Variants in ANK3 observed in about 807,000 individuals in gnomAD.
ANK3 encodes ankyrin-3.
Under a neutral mutation model 370.9 loss-of-function variants are expected in ANK3, and 57 were observed. That is an observed-to-expected ratio of 0.15 (90% CI 0.12 to 0.19). The LOEUF (loss-of-function observed/expected upper bound fraction) is 0.19. ANK3 is among the 10% of genes least tolerant of loss of function. The pLI is 1.00. For synonymous variants in ANK3, 1,929 were observed against 1,946.3 expected, an observed-to-expected ratio of 0.99 and a Z score of 0.23; for missense variants, 4,439 against 5,302.1, an observed-to-expected ratio of 0.84 and a Z score of 5.06.
chr10:60,650,673 A>G (rs954924535), intron 1 of ANK3, among the ~76,000 whole-genome samples: 4 of 152,214 alleles, frequency 2.6e-5, no homozygotes, highest in Non-Finnish European at 5.9e-5. Flanking sequence ...TAGACCAGAC[A>G]CTAATCTAAT....
intron 25 of ANK3, among the ~76,000 whole-genome samples, chr10:60,123,988 A>G (rs1226927177): frequency 1.3e-5 from 2 of 152,176 alleles, no homozygotes; most frequent in Non-Finnish European, 2.9e-5. Flanking sequence ...TGGCAAGTCA[A>G]AAAACTCACT....
intron 1 of ANK3, among the ~76,000 whole-genome samples, chr10:60,362,231 G>C (rs1039583482): frequency 6.6e-6 from 1 of 151,618 alleles, no homozygotes; most frequent in Non-Finnish European, 1.5e-5. Flanking sequence ...AACACTGCTA[G>C]AAAAAAACAA....
At chr10:60,469,255 G>GTATA (rs1161051075) in intron 2 of ANK3, among the ~76,000 whole-genome samples, 3 of 640 alleles carry the variant, frequency 4.7e-3, no homozygotes, top group African/African-American at 8.6e-3. Flanking sequence ...TTTAGTGTGT[G>GTATA]TATATATATA....
At position 60,127,101 on chromosome 10, in the gene ANK3, G is replaced by A. The variant is rs376493527; in HGVS notation, c.2841+7170C>T. 1.3e-4 allele frequency among the ~76,000 whole-genome samples: 20 copies of A among 152,322 alleles called. No homozygotes were observed. In the East Asian group the frequency reaches 2.1e-3, roughly 16 times the overall value. ...TGGTCTTCACATTCTACTCCCAGCAGCTTTGGACGTATGTCATCTTTATAG... is the reference window on the plus strand; with the variant it reads ...TGGTCTTCACATTCTACTCCCAGCAACTTTGGACGTATGTCATCTTTATAG... On this transcript the variant is annotated intron_variant, in intron 25 of 43. Coordinates refer to ENST00000280772, the MANE Select transcript of ANK3 (RefSeq NM_020987.5).
chr10:60,284,208 G>T (rs776798818), intron 1 of ANK3, among the ~76,000 whole-genome samples: 2 of 152,114 alleles, frequency 1.3e-5, no homozygotes, highest in Admixed American at 6.6e-5. Context: ...ACCAGAAGTG[G>T]GAAGAGGCAA....
chr10:60,628,044 G>A lies in ANK3; in HGVS notation c.58-12820C>T, dbSNP rs535088355. Among the ~76,000 whole-genome samples the A allele has an allele frequency of 3.9e-4, 59 of 152,210 alleles. No individual in the cohort carries two copies. The South Asian group carries it at 0.011, about 28-fold the overall frequency. ...AAAGATATCCTGTGACAGAGAAAACGAACGCACACAATAATATTTGTAATG... is the reference window on the plus strand; with the variant it reads ...AAAGATATCCTGTGACAGAGAAAACAAACGCACACAATAATATTTGTAATG... On this transcript the variant is annotated intron_variant, in intron 1 of 43. Coordinates refer to the ANK3 transcript ENST00000373827.
chr10:60,194,199 T>C (rs2096545589), intron 16 of ANK3, among the ~76,000 whole-genome samples: 1 of 152,204 alleles, frequency 6.6e-6, no homozygotes, highest in Non-Finnish European at 1.5e-5. Context: ...AAATAAAATG[T>C]ACAACCATTA....
chr10:60,713,269 C>T (rs1304058406), intron 1 of ANK3, among the ~76,000 whole-genome samples: 1 of 151,910 alleles, frequency 6.6e-6, no homozygotes, highest in Non-Finnish European at 1.5e-5. Flanking sequence ...TCTCACACCA[C>T]AATGAAATTA....
chr10:60,054,398 C>T (rs1722747634), intron 42 of ANK3, among the ~76,000 whole-genome samples: 1 of 152,042 alleles, frequency 6.6e-6, no homozygotes, highest in Non-Finnish European at 1.5e-5. Context: ...AAAACTAAAA[C>T]AAAACCATTA....
intron 2 of ANK3, among the ~76,000 whole-genome samples, chr10:60,583,556 A>C (rs2077788053): frequency 2.2e-5 from 3 of 134,134 alleles, no homozygotes; most frequent in Non-Finnish European, 4.6e-5. Flanking sequence ...TCGTTCTGTC[A>C]CCCAGGCTGG....
At chr10:60,387,070 G>A (rs1268429237) in intron 1 of ANK3, among the ~76,000 whole-genome samples, 4 of 152,058 alleles carry the variant, frequency 2.6e-5, no homozygotes, top group South Asian at 2.1e-4. Context: ...TGAGGCAGGA[G>A]AATCATTTGA....
At chr10:60,535,907 A>C (rs1244252494) in intron 2 of ANK3, among the ~76,000 whole-genome samples, 7 of 149,496 alleles carry the variant, frequency 4.7e-5, no homozygotes, top group Non-Finnish European at 1.0e-4. Flanking sequence ...ATATCGGCAA[A>C]GCAACTGTTT....
chr10:60,157,123 C>T lies in ANK3; in HGVS notation c.2614+9468G>A, dbSNP rs1173893947. Among the ~76,000 whole-genome samples the T allele has an allele frequency of 4.0e-5, 6 of 150,614 alleles. No homozygotes were observed. In the East Asian group the frequency reaches 5.9e-4, roughly 15 times the overall value. ...CATGATCTCGGCTCACTGCAACCTC[C>T]GCCTCCCAGGTTCAAGCCATTCTCC... is the stretch of plus-strand genomic sequence containing the variant. On this transcript the variant is annotated intron_variant, in intron 23 of 43. Coordinates refer to ENST00000280772, the MANE Select transcript of ANK3 (RefSeq NM_020987.5).
chr10:60,687,533 A>ACAC lies in ANK3; in HGVS notation c.57+45729_57+45730insGTG, dbSNP rs375712984. On this transcript the variant is annotated intron_variant, in intron 1 of 43. Transcript: ENST00000373827. ...CACATGCATTAGGCTGGTATAAAAA[A>ACAC]AAACACACACACACACACACATGCA... 1.8e-3 allele frequency among the ~76,000 whole-genome samples: 123 copies of ACAC among 68,594 alleles called. No homozygotes were observed. In the Middle Eastern group the frequency reaches 0.045, roughly 25 times the overall value. 45.0% of individuals were successfully genotyped at this position (68,594 alleles called of 152,430 possible). A position where few individuals can be genotyped will look rare whatever the true frequency, so the allele number is the denominator to read the frequency against.
intron 23 of ANK3, among the ~76,000 whole-genome samples, chr10:60,145,542 G>C (rs1049120003): frequency 7.2e-5 from 11 of 152,212 alleles, no homozygotes; most frequent in Middle Eastern, 3.4e-3. Flanking sequence ...TATGTTTTAG[G>C]CACTGTGTTT....
intron 2 of ANK3, among the ~76,000 whole-genome samples, chr10:60,479,035 T>G (rs781746214): frequency 1.4e-4 from 22 of 152,144 alleles, no homozygotes; most frequent in Non-Finnish European, 3.1e-4. Flanking sequence ...TAGCCAAATT[T>G]TCTAAATACA....
chr10:60,289,906 G>C (rs1328672019), intron 1 of ANK3, among the ~76,000 whole-genome samples: 3 of 152,192 alleles, frequency 2.0e-5, no homozygotes, highest in Non-Finnish European at 2.9e-5. Context: ...CCATTCTTCT[G>C]TGTTTAAGGC....
intron 27 of ANK3, 112 bp from the exon 28 acceptor site, chr10:60,106,171 G>A (rs779619228): frequency 1.0e-5 from 10 of 967,542 alleles, no homozygotes; most frequent in Non-Finnish European, 8.9e-6. Flanking sequence ...TGCCACTAAG[G>A]TTGGGAATGA....
chr10:60,670,310 A>C (rs1336455194), intron 1 of ANK3, among the ~76,000 whole-genome samples: 1 of 151,884 alleles, frequency 6.6e-6, no homozygotes. Flanking sequence ...CTCCCCTGCT[A>C]GTCTTCCTCA....
Sources: gnomAD v4.1 joint callset for allele counts (sites outside exome capture counted in the v4.1 genomes callset) on GRCh38, gnomAD v4.1.1 for gene constraint, MANE v1.5 for transcripts, NCBI Gene and HGNC (gene_info 2026-07-23, HGNC 2026-07-21) for gene names.